The following MPHOSPH9 variants were observed in gnomAD, a reference collection of about 807,000 sequenced individuals.
MPHOSPH9 encodes M-phase phosphoprotein 9.
MPHOSPH9 carries 88 observed loss-of-function variants against 145.5 expected under a neutral mutation model. The ratio of observed to expected loss-of-function variants is 0.60; its 90% CI spans 0.51 to 0.72. The LOEUF is 0.72. Among genes scored for constraint, MPHOSPH9 ranks in the 30% least tolerant of loss-of-function variants. MPHOSPH9 has a pLI of 0.00. For missense variants in MPHOSPH9, 1,238 were observed against 1,386.6 expected, an observed-to-expected ratio of 0.89 and a Z score of 1.70; for synonymous variants, 435 against 486.2, an observed-to-expected ratio of 0.89 and a Z score of 1.39.
chr12:123,196,096 C>A (rs1243533460), intron 12 of MPHOSPH9, among the ~76,000 whole-genome samples: 1 of 151,528 alleles, frequency 6.6e-6, no homozygotes, highest in Admixed American at 6.6e-5. Flanking sequence ...GTGCCAGTAA[C>A]CCCAGCACTT....
chr12:123,193,122 CA>C, intron 13 of MPHOSPH9, among the ~76,000 whole-genome samples: 1 of 141,384 alleles, frequency 7.1e-6, no homozygotes, highest in South Asian at 2.3e-4. Flanking sequence ...CACACACACA[CA>C]CACACACACA....
Position 123,164,092 on chromosome 12 carries a change from T to G in MPHOSPH9, c.2768-2A>C, listed in dbSNP as rs910058478. 1.9e-6 allele frequency: 3 copies of G among 1,613,828 alleles called. No individual in the cohort carries two copies. In the Admixed American group the frequency reaches 5.0e-5, roughly 27 times the overall value. ...AAGTTTCAGTTTGCCGAGGATTTAC[T>G]ACAGCAGACCAAAAAAAAGCAAAAC... On this transcript the variant is annotated splice_acceptor_variant, in intron 18 of 23. Transcript: ENST00000606320. LOFTEE classifies it high-confidence loss of function.
intron 16 of MPHOSPH9, among the ~76,000 whole-genome samples, chr12:123,174,039 G>T (rs991707909): frequency 6.6e-6 from 1 of 152,144 alleles, no homozygotes; most frequent in Admixed American, 6.5e-5. Flanking sequence ...TATCAGAGAT[G>T]AATGGGAGGC....
chr12:123,234,846 C>G (rs981985300), upstream of MPHOSPH9, among the ~76,000 whole-genome samples: 2 of 152,176 alleles, frequency 1.3e-5, no homozygotes, highest in Non-Finnish European at 2.9e-5. Context: ...GGAAGTCAGG[C>G]TATATTTTTG....
chr12:123,199,772 GAC>G (rs2046135889), intron 11 of MPHOSPH9, among the ~76,000 whole-genome samples: 1 of 145,248 alleles, frequency 6.9e-6, no homozygotes, highest in Non-Finnish European at 1.5e-5. Context: ...CAGCCTAGGC[GAC>G]AGAGACTCCA....
At chr12:123,219,085 T>G (rs2047090856) in intron 5 of MPHOSPH9, among the ~76,000 whole-genome samples, 1 of 151,752 alleles carries the variant, frequency 6.6e-6, no homozygotes, top group Middle Eastern at 3.2e-3. Flanking sequence ...CTATTTTTTT[T>G]GTAGAGCCAG....
At chr12:123,193,833 T>TC (rs2045817356) in intron 13 of MPHOSPH9, among the ~76,000 whole-genome samples, 1 of 151,960 alleles carries the variant, frequency 6.6e-6, no homozygotes, top group Admixed American at 6.6e-5. Context: ...GTTTTTTTTT[T>TC]TTTTTTAAGT....
Position 123,221,547 on chromosome 12 carries a change from C to A in MPHOSPH9, c.697G>T (p.Ala233Ser). Reference protein sequence around the residue: ...DVPKGQYVAPAVPAESLVDGV... With the variant: ...DVPKGQYVAPSVPAESLVDGV... ...TCTACAAGTGACTCAGCCGGCACCG[C>A]AGGTGCTACATACTGTCCTTTGGGA... Residue 233 changes from alanine (A) to serine (S), a missense_variant, in exon 5 of 24, where the codon GCG (alanine) becomes TCG (serine). This residue lies in a region of MPHOSPH9 where 837 missense variants were observed against 897.5 expected (regional missense o/e 0.93). Transcript: ENST00000606320. 1 of 1,614,216 alleles carries A rather than the reference C, an allele frequency of 6.2e-7. No homozygotes were observed. Among genetic ancestry groups the A allele is most frequent in the Non-Finnish European group, 8.5e-7 (1 of 1,180,030 alleles).
chr12:123,202,447 A>C (rs1156328616), intron 10 of MPHOSPH9, 128 bp from the exon 11 acceptor site: 1 of 1,210,064 alleles, frequency 8.3e-7, no homozygotes, highest in Non-Finnish European at 1.1e-6. Context: ...ATACTACAAA[A>C]TATATAGATT....
intron 1 of MPHOSPH9, among the ~76,000 whole-genome samples, chr12:123,243,540 A>T (rs1032776347): frequency 6.5e-4 from 99 of 151,404 alleles, no homozygotes; most frequent in Non-Finnish European, 9.7e-4. Flanking sequence ...AAAAAAAAAA[A>T]AAAAAAATAC....
At position 123,176,801 on chromosome 12, in the gene MPHOSPH9, G is replaced by A; in HGVS notation, c.2355-12C>T. The A allele has an allele frequency of 6.4e-7, 1 of 1,571,640 alleles. No individual in the cohort carries two copies. The highest frequency in any genetic ancestry group is 8.8e-7 in the Non-Finnish European group (1 of 1,142,474). ...GTTTTGAAATCATTCTAATTCAAAAGCAATAAAGATAAATTAAGTACATTT... is the reference window on the plus strand; with the variant it reads ...GTTTTGAAATCATTCTAATTCAAAAACAATAAAGATAAATTAAGTACATTT... On this transcript the variant is annotated splice_polypyrimidine_tract_variant and intron_variant, in intron 15 of 23. Coordinates refer to ENST00000606320, the MANE Select transcript of MPHOSPH9 (RefSeq NM_022782.4).
chr12:123,197,500 T>A (rs1316221200), intron 12 of MPHOSPH9, among the ~76,000 whole-genome samples: 1 of 152,028 alleles, frequency 6.6e-6, no homozygotes, highest in African/African-American at 2.4e-5. Context: ...GGGTAAAGTT[T>A]AGGCCAGGTG....
chr12:123,237,734 G>A (rs570671904), upstream of MPHOSPH9, among the ~76,000 whole-genome samples: 1 of 152,286 alleles, frequency 6.6e-6, no homozygotes, highest in East Asian at 1.9e-4. Flanking sequence ...AAATGGCATG[G>A]TCTGTTTCAA....
rs749744802 is a variant in MPHOSPH9 at position 123,160,797 on chromosome 12, T to C, written c.3434A>G (p.Gln1145Arg). The C allele has an allele frequency of 6.8e-6, 11 of 1,614,014 alleles. No homozygotes were observed. Among genetic ancestry groups the C allele is most frequent in the South Asian group, 1.1e-5 (1 of 91,080 alleles). ...ACATTTCACCTGATTTAATCTTGTCTGTAAAGTGATTCGTCCTCCAGGAGA... is the reference window on the plus strand; with the variant it reads ...ACATTTCACCTGATTTAATCTTGTCCGTAAAGTGATTCGTCCTCCAGGAGA... Reference protein sequence around the residue: ...MPSPGGRITLQTRLNQEALED... With the variant: ...MPSPGGRITLRTRLNQEALED... Residue 1145 changes from glutamine (Q) to arginine (R), a missense_variant, in exon 23 of 24, where the codon CAG becomes CGG. Gln to Arg is a conservative substitution (Grantham distance 43, BLOSUM62 1). Transcript: ENST00000606320.
In MPHOSPH9 at chr12:123,154,675, A is replaced by G. The variant is rs938780726; in HGVS notation, c.*2132T>C. ...TAAGAATGTAGTAGATTTTACAATA[A>G]AAGTAGGGAACAAGGAAATATCCTA... On this transcript the variant is annotated 3_prime_UTR_variant, in exon 24 of 24. Coordinates refer to ENST00000606320, the MANE Select transcript of MPHOSPH9 (RefSeq NM_022782.4). The G allele has an allele frequency of 3.3e-5, 5 of 152,230 alleles. No homozygotes were observed. The East Asian group carries it at 9.6e-4, about 29-fold the overall frequency. The allele number at this position is 152,230 out of a possible 1,614,324, so 9.4% of individuals were successfully genotyped here.
At chr12:123,230,158 A>C in intron 2 of MPHOSPH9, 103 bp downstream of exon 2, 1 of 683,514 alleles carries the variant, frequency 1.5e-6, no homozygotes. Flanking sequence ...AAAAAATAAT[A>C]ATAATTCAAA....
upstream of MPHOSPH9, among the ~76,000 whole-genome samples, chr12:123,236,211 A>C (rs928872824): frequency 8.5e-5 from 13 of 152,238 alleles, no homozygotes; most frequent in Admixed American, 6.5e-4. Context: ...TTGAAAACCT[A>C]ATGGTTTCCA....
chr12:123,237,908 T>TA (rs1474890711), upstream of MPHOSPH9, among the ~76,000 whole-genome samples: 2 of 151,902 alleles, frequency 1.3e-5, no homozygotes, highest in South Asian at 2.1e-4. Flanking sequence ...CACTTTTTTT[T>TA]TTTTTGAGAC....
chr12:123,188,249 A>G (rs2045534192), intron 13 of MPHOSPH9, among the ~76,000 whole-genome samples: 1 of 152,216 alleles, frequency 6.6e-6, no homozygotes, highest in Non-Finnish European at 1.5e-5. Flanking sequence ...GCTTGACAAT[A>G]CCAAGCACTG....
Sources: allele counts gnomAD v4.1 joint callset (sites outside exome capture counted in the v4.1 genomes callset), GRCh38; gene constraint gnomAD v4.1.1; regional missense constraint gnomAD v4.1.1; transcripts MANE v1.5; gene names NCBI Gene and HGNC (gene_info 2026-07-23, HGNC 2026-07-21).